The following ESCO1 variants were observed in gnomAD, a reference collection of about 807,000 sequenced individuals.
The protein encoded by ESCO1 is establishment of sister chromatid cohesion N-acetyltransferase 1, also known as N-acetyltransferase ESCO1.
In ESCO1, 33 loss-of-function variants were observed where a neutral mutation model predicts 83.5. That is an observed-to-expected ratio of 0.40 (90% CI 0.30 to 0.53). The LOEUF is 0.53. Ranked by LOEUF, ESCO1 falls within the 20% of genes least tolerant of loss-of-function variation. The probability of loss-of-function intolerance (pLI) is 0.63; values close to 1 mark genes in which losing one functional copy is unlikely to be tolerated. For synonymous variants in ESCO1, 332 were observed against 324.3 expected, an observed-to-expected ratio of 1.02 and a Z score of -0.25; for missense variants, 855 against 968.0, an observed-to-expected ratio of 0.88 and a Z score of 1.55.
In ESCO1 at chr18:21,536,133, G is replaced by A; in HGVS notation, c.2096C>T (p.Pro699Leu). 1 of 1,613,996 alleles carries A rather than the reference G, an allele frequency of 6.2e-7. No individual in the cohort carries two copies. The highest frequency in any genetic ancestry group is 8.5e-7 in the Non-Finnish European group (1 of 1,179,952). ...TTTAGTTCTGGAATAGCACATTAGT[G>A]GAGCCTGTTGAAAACCTAAATCATT... ...VDNDLGFQQAPLMCYSRTKTL... is the reference protein window; with the variant it reads ...VDNDLGFQQALLMCYSRTKTL... Residue 699 changes from proline (P) to leucine (L), a missense_variant, in exon 10 of 12, where the codon CCA becomes CTA. Physicochemically the swap from Pro to Leu is moderately conservative, Grantham distance 98 (BLOSUM62 -3). This residue lies in a region of ESCO1 where 129 missense variants were observed against 268.5 expected (regional missense o/e 0.48). Transcript: ENST00000269214.
chr18:21,579,348 G>A (rs542872867), intron 2 of ESCO1, among the ~76,000 whole-genome samples: 1 of 152,140 alleles, frequency 6.6e-6, no homozygotes, highest in Non-Finnish European at 1.5e-5. Flanking sequence ...GACAGGCCCA[G>A]CTACTCGGGA....
chr18:21,541,142 G>A (rs2037900367), intron 8 of ESCO1, among the ~76,000 whole-genome samples: 1 of 152,010 alleles, frequency 6.6e-6, no homozygotes, highest in Non-Finnish European at 1.5e-5. Flanking sequence ...TCCAAAATTT[G>A]TTTACATAAT....
chr18:21,553,874 A>C, intron 8 of ESCO1, among the ~76,000 whole-genome samples: 1 of 151,624 alleles, frequency 6.6e-6, no homozygotes, highest in East Asian at 1.9e-4. Context: ...AAAAAAAAAA[A>C]AAACACAAAC....
chr18:21,582,027 T>C (rs1480686881), intron 2 of ESCO1, among the ~76,000 whole-genome samples: 1 of 151,762 alleles, frequency 6.6e-6, no homozygotes, highest in African/African-American at 2.4e-5. Flanking sequence ...GATCAAGGCT[T>C]CAGTGAGCCG....
intron 7 of ESCO1, among the ~76,000 whole-genome samples, chr18:21,562,086 G>A (rs2038194122): frequency 6.8e-6 from 1 of 146,462 alleles, no homozygotes; most frequent in Non-Finnish European, 1.5e-5. Context: ...TGCCATGTTG[G>A]CCAGGCTGGT....
chr18:21,579,353 TCGGGAGGCTGAGG>T (rs543454241), intron 2 of ESCO1, among the ~76,000 whole-genome samples: 196 of 152,100 alleles, frequency 1.3e-3, no homozygotes, highest in Non-Finnish European at 1.6e-3. Context: ...GCCCAGCTAC[TCGGGAGGCTGAGG>T]CAGGAGGATG....
At chr18:21,549,604 G>A (rs772450118) in intron 8 of ESCO1, among the ~76,000 whole-genome samples, 4 of 151,848 alleles carry the variant, frequency 2.6e-5, no homozygotes, top group Non-Finnish European at 5.9e-5. Context: ...TAGTAGAGAC[G>A]GGGTTTTACC....
intron 8 of ESCO1, among the ~76,000 whole-genome samples, chr18:21,553,695 T>C (rs978796988): frequency 2.0e-5 from 3 of 151,452 alleles, no homozygotes; most frequent in Admixed American, 2.0e-4. Context: ...CTGTCTCTAC[T>C]AAAAATACAA....
In ESCO1 at chr18:21,589,318, C is replaced by T. The variant is rs1598479598; in HGVS notation, c.-824-4878G>A. On this transcript the variant is annotated intron_variant, in intron 1 of 11. Coordinates refer to ENST00000269214, the MANE Select transcript of ESCO1 (RefSeq NM_052911.3). ...TTACTTCAATGTAGCCACTTTCCCCCTCCAAGTCACTTCTTAAAATTAATC... is the reference window on the plus strand; with the variant it reads ...TTACTTCAATGTAGCCACTTTCCCCTTCCAAGTCACTTCTTAAAATTAATC... Among the ~76,000 whole-genome samples the T allele has an allele frequency of 2.0e-5, 3 of 152,252 alleles. No individual in the cohort carries two copies. In the South Asian group the frequency reaches 6.2e-4, roughly 32 times the overall value.
chr18:21,555,477 CAGTG>C lies in ESCO1; in HGVS notation c.1953+5378_1953+5381del, dbSNP rs2038101318. On this transcript the variant is annotated intron_variant, in intron 8 of 11. Coordinates refer to ENST00000269214, the MANE Select transcript of ESCO1 (RefSeq NM_052911.3). ...GTACAACTATGATAAGGGATGTTGA[CAGTG>C]AGGGAGGCTATACACGTGTGGAATT... Among the ~76,000 whole-genome samples the C allele has an allele frequency of 2.0e-5, 3 of 152,186 alleles. No individual in the cohort carries two copies. The East Asian group carries it at 5.8e-4, about 29-fold the overall frequency.
intron 11 of ESCO1, among the ~76,000 whole-genome samples, chr18:21,531,893 C>CAAAAAAAAAAAAAAAAAAAAAAAAAAAAA (rs10646843): frequency 1.2e-5 from 1 of 82,070 alleles, no homozygotes; most frequent in African/African-American, 4.9e-5. Flanking sequence ...GACTCCATCT[C>CAAAAAAAAAAAAAAAAAAAAAAAAAAAAA]AAAAAAAAAA....
chr18:21,535,923 G>A, intron 10 of ESCO1, 119 bp downstream of exon 10: 1 of 1,201,222 alleles, frequency 8.3e-7, no homozygotes, highest in Non-Finnish European at 1.2e-6. Flanking sequence ...GGGAATTCTT[G>A]CATTAAAACT....
chr18:21,567,212 G>A (rs1252486456), intron 5 of ESCO1, among the ~76,000 whole-genome samples: 2 of 152,060 alleles, frequency 1.3e-5, no homozygotes, highest in South Asian at 2.1e-4. Context: ...ACCCAGGGTG[G>A]AATGCAGTGG....
chr18:21,568,768 T>C (rs557269355), intron 4 of ESCO1, among the ~76,000 whole-genome samples: 2 of 152,112 alleles, frequency 1.3e-5, no homozygotes, highest in South Asian at 4.2e-4. Flanking sequence ...CTGGGCGTGA[T>C]GGCAAGCACC....
intron 2 of ESCO1, among the ~76,000 whole-genome samples, chr18:21,575,993 T>C (rs2038414326): frequency 6.6e-6 from 1 of 152,110 alleles, no homozygotes; most frequent in Admixed American, 6.6e-5. Context: ...TCATTCATGT[T>C]GTGAAAAAAA....
Position 21,532,619 on chromosome 18 carries a change from T to C in ESCO1, c.2229A>G (p.Ser743=), listed in dbSNP as rs1422614055. 6 of 1,614,176 alleles carry C rather than the reference T, an allele frequency of 3.7e-6. No homozygotes were observed. In the East Asian group the frequency reaches 1.3e-4, roughly 36 times the overall value. ...TTTCAAATCTGACTTTTTCTTCTTC[T>C]GACCTGATAACTGGAAGTTTCTCTT... ...VIEEKLPVIR[S]EEEKVRFERQ... The change falls in exon 11 of 12, where the codon TCA becomes TCG. Residue 743 remains serine (S), a synonymous_variant. Coordinates refer to ENST00000269214, the MANE Select transcript of ESCO1 (RefSeq NM_052911.3).
chr18:21,534,271 G>A (rs1368174691), intron 10 of ESCO1, among the ~76,000 whole-genome samples: 1 of 152,224 alleles, frequency 6.6e-6, no homozygotes, highest in Admixed American at 6.5e-5. Context: ...CAAGGTCATC[G>A]CCAAGGTCTT....
At chr18:21,572,325 T>C (rs1598469677) in intron 4 of ESCO1, among the ~76,000 whole-genome samples, 1 of 152,236 alleles carries the variant, frequency 6.6e-6, no homozygotes, top group South Asian at 2.1e-4. Context: ...TTTCTGCTTA[T>C]TGGTTTTATA....
intron 8 of ESCO1, among the ~76,000 whole-genome samples, chr18:21,557,271 T>C (rs2038125518): frequency 6.6e-6 from 1 of 152,212 alleles, no homozygotes; most frequent in South Asian, 2.1e-4. Flanking sequence ...TTGACTTGAT[T>C]GTATTTTTCT....
Sources: allele counts gnomAD v4.1 joint callset (sites outside exome capture counted in the v4.1 genomes callset), GRCh38; gene constraint gnomAD v4.1.1; regional missense constraint gnomAD v4.1.1; transcripts MANE v1.5; gene names NCBI Gene and HGNC (gene_info 2026-07-23, HGNC 2026-07-21).